Variants in CTPS2 observed in about 807,000 individuals in gnomAD.
CTPS2 encodes CTP synthase II.
Under a neutral mutation model 46.8 loss-of-function variants are expected in CTPS2, and 19 were observed. The observed-to-expected ratio is 0.41, with a 90% CI of 0.28 to 0.60. CTPS2 has a LOEUF of 0.60. CTPS2 is among the 20% of genes least tolerant of loss of function. CTPS2 has a pLI of 0.35. For synonymous variants in CTPS2, 151 were observed against 165.2 expected, an observed-to-expected ratio of 0.91 and a Z score of 0.66; for missense variants, 286 against 447.6, an observed-to-expected ratio of 0.64 and a Z score of 3.26.
Position 16,621,446 on chromosome X carries a change from T to TATAATAATA in CTPS2, c.1394-1123_1394-1115dup, listed in dbSNP as rs10666371. On this transcript the variant is annotated intron_variant, in intron 14 of 18. Coordinates refer to ENST00000359276, the MANE Select transcript of CTPS2 (RefSeq NM_175859.3). ...TGCACATGTACCCTAGAACTTAAAG[T>TATAATAATA]ATAATAATAATAATAATAATAATAA... Among the ~76,000 whole-genome samples the TATAATAATA allele has an allele frequency of 3.5e-3, 361 of 102,852 alleles. 5 individuals carry two copies. The highest frequency in any genetic ancestry group is 0.012 in the African/African-American group (331 of 28,318). 89.3% of individuals were successfully genotyped at this position (102,852 alleles called of 115,157 possible). A position where few individuals can be genotyped will look rare whatever the true frequency, so the allele number is the denominator to read the frequency against.
rs1004763826 is a variant in CTPS2 at position 16,630,550 on chromosome X, G to A, written c.1393+8597C>T. Among the ~76,000 whole-genome samples the A allele has an allele frequency of 2.2e-4, 24 of 110,432 alleles. 1 individual carries two copies. The highest frequency in any genetic ancestry group is 1.8e-3 in the Admixed American group (19 of 10,366). On this transcript the variant is annotated intron_variant, in intron 14 of 18. Coordinates refer to ENST00000359276, the MANE Select transcript of CTPS2 (RefSeq NM_175859.3). ...ATTACAGGTGTGAGCCACCGCGCCC[G>A]GCCCTGTGTTGTGTTGCATTCTTAA...
intron 17 of CTPS2, among the ~76,000 whole-genome samples, chrX:16,603,091 G>A (rs1362020367): frequency 2.7e-5 from 3 of 111,069 alleles, no homozygotes; most frequent in African/African-American, 9.8e-5. Flanking sequence ...TTACTTCCAG[G>A]AGCCCTAGTT....
At chrX:16,595,348 G>A (rs1175454656) in intron 17 of CTPS2, among the ~76,000 whole-genome samples, 1 of 111,598 alleles carries the variant, frequency 9.0e-6, no homozygotes, top group Non-Finnish European at 1.9e-5. Flanking sequence ...GTCTCGCTCT[G>A]TCACCCAGGC....
chrX:16,693,347 C>T, intron 5 of CTPS2, 24 bp downstream of exon 5: 1 of 1,114,393 alleles, frequency 9.0e-7, no homozygotes, highest in South Asian at 1.8e-5. Context: ...AGTTGCTGTC[C>T]ACATACTTAT....
chrX:16,689,553 A>G lies in CTPS2; in HGVS notation c.769T>C (p.Leu257=), dbSNP rs767026827. The change falls in exon 8 of 19, where the codon TTA becomes CTA. Residue 257 remains leucine, a synonymous_variant. Coordinates refer to ENST00000359276, the MANE Select transcript of CTPS2 (RefSeq NM_175859.3). ...TATTTCACAATGCTTTGTTCCTCTA[A>G]AAGCACAGGAACTCGGTATGTGGAA... is the stretch of plus-strand genomic sequence containing the variant. The part of the protein sequence containing the change: ...VSSTYRVPVL[L]EEQSIVKYFK... 1.7e-6 allele frequency: 2 copies of G among 1,209,522 alleles called. No homozygotes were observed. The highest frequency in any genetic ancestry group is 4.4e-5 in the Admixed American group (2 of 45,890).
intron 14 of CTPS2, chrX:16,638,709 T>G (rs1402725188): frequency 3.6e-6 from 1 of 279,593 alleles, no homozygotes; most frequent in African/African-American, 2.8e-5. Flanking sequence ...ATAACTGCCC[T>G]CCTACTCGGA....
At chrX:16,662,664 G>A (rs886936720) in intron 13 of CTPS2, among the ~76,000 whole-genome samples, 1 of 107,562 alleles carries the variant, frequency 9.3e-6, no homozygotes, top group Non-Finnish European at 1.9e-5. Flanking sequence ...CAGGCTTCAT[G>A]GTGCTTGCTG....
intron 9 of CTPS2, among the ~76,000 whole-genome samples, chrX:16,681,986 G>T (rs1366802067): frequency 3.6e-5 from 4 of 111,992 alleles, no homozygotes; most frequent in African/African-American, 1.3e-4. Context: ...ATCACTGTTT[G>T]CTAGCTATCA....
At chrX:16,664,904 A>C (rs1288342328) in intron 13 of CTPS2, among the ~76,000 whole-genome samples, 1 of 112,242 alleles carries the variant, frequency 8.9e-6, no homozygotes, top group Non-Finnish European at 1.9e-5. Flanking sequence ...TAAGGAACTT[A>C]TATCTAGAAT....
intron 1 of CTPS2, among the ~76,000 whole-genome samples, chrX:16,704,361 T>C (rs986922967): frequency 3.6e-5 from 4 of 112,101 alleles, no homozygotes; most frequent in Admixed American, 1.9e-4. Flanking sequence ...TGAAAAAACA[T>C]GGAGGAATCT....
intron 13 of CTPS2, among the ~76,000 whole-genome samples, chrX:16,639,813 G>GAAAGA (rs1931977577): frequency 9.7e-6 from 1 of 103,358 alleles, no homozygotes; most frequent in Non-Finnish European, 2.0e-5. Context: ...AAGAAAGAAA[G>GAAAGA]AAAGAAAGAA....
chrX:16,596,403 C>T (rs1929273934), intron 17 of CTPS2, among the ~76,000 whole-genome samples: 1 of 102,210 alleles, frequency 9.8e-6, no homozygotes, highest in South Asian at 5.1e-4. Context: ...CATGTGTTCT[C>T]ATTGTTCAAT....
chrX:16,611,936 A>G (rs1930283618), intron 16 of CTPS2, among the ~76,000 whole-genome samples: 1 of 112,020 alleles, frequency 8.9e-6, no homozygotes, highest in Admixed American at 9.5e-5. Flanking sequence ...AATTTAAGAG[A>G]CAATAAATCT....
chrX:16,620,405 G>A, intron 14 of CTPS2, 73 bp from the exon 15 acceptor site: 2 of 770,459 alleles, frequency 2.6e-6, no homozygotes, highest in Non-Finnish European at 3.9e-6. Context: ...GCTTTGTGGA[G>A]GCAAGTGCCT....
chrX:16,702,770 T>C lies in CTPS2; in HGVS notation c.133A>G (p.Ile45Val), dbSNP rs751724576. ...TAAGGTGAAAAAGTGCCAGCATCGA[T>C]GTTAATATAGGGGTCGATTTTTATG... ...TAIKIDPYIN[I>V]DAGTFSPYEH... The change falls in exon 2 of 19, where the codon ATC becomes GTC. Residue 45 changes from isoleucine to valine, a missense_variant. Coordinates refer to ENST00000359276, the MANE Select transcript of CTPS2 (RefSeq NM_175859.3). 1.7e-6 allele frequency: 2 copies of C among 1,210,568 alleles called. No individual in the cohort carries two copies. Among genetic ancestry groups the C allele is most frequent in the Non-Finnish European group, 2.2e-6 (2 of 894,867 alleles).
intron 10 of CTPS2, among the ~76,000 whole-genome samples, chrX:16,674,565 A>T (rs759608656): frequency 9.1e-6 from 1 of 110,446 alleles, no homozygotes. Flanking sequence ...CAGGCCGGGC[A>T]TGGTGGCTCA....
chrX:16,712,823 C>G (rs934134477), upstream of CTPS2: 1 of 112,246 alleles, frequency 8.9e-6, no homozygotes, highest in Non-Finnish European at 1.9e-5. Flanking sequence ...CCGTGCAGAT[C>G]TCACCCTTGT....
intron 13 of CTPS2, among the ~76,000 whole-genome samples, chrX:16,647,224 AATTCTGACAATAGGCAGC>A (rs2147255711): frequency 9.3e-6 from 1 of 107,231 alleles, no homozygotes; most frequent in East Asian, 2.9e-4. Context: ...TACAAGTATA[AATTCTGACAATAGGCAGC>A]ATTGGGCCCA....
chrX:16,628,477 T>C (rs902143759), intron 14 of CTPS2, among the ~76,000 whole-genome samples: 12 of 111,046 alleles, frequency 1.1e-4, no homozygotes, highest in African/African-American at 3.9e-4. Flanking sequence ...GTGATTCTCC[T>C]GACTCAGTCT....
Sources: gnomAD v4.1 joint callset for allele counts (sites outside exome capture counted in the v4.1 genomes callset) on GRCh38, gnomAD v4.1.1 for gene constraint, MANE v1.5 for transcripts, NCBI Gene and HGNC (gene_info 2026-07-23, HGNC 2026-07-21) for gene names.